SCAPER: variants seen among roughly 807,000 people sequenced by gnomAD.
SCAPER encodes the protein S phase cyclin A-associated protein in the endoplasmic reticulum.
Under a neutral mutation model 182.2 loss-of-function variants are expected in SCAPER, and 98 were observed. That is an observed-to-expected ratio of 0.54 (90% CI 0.46 to 0.64). SCAPER has a LOEUF of 0.64. SCAPER is among the 30% of genes least tolerant of loss of function. The pLI is 0.00. For missense variants in SCAPER, 1,432 were observed against 1,690.0 expected (o/e 0.85, Z 2.68); for synonymous variants, 605 against 564.6 (o/e 1.07, Z -1.01).
intron 22 of SCAPER, among the ~76,000 whole-genome samples, chr15:76,610,014 G>T (rs1439992525): frequency 6.6e-6 from 1 of 152,112 alleles, no homozygotes; most frequent in East Asian, 1.9e-4. Context: ...TTTCCTGAGG[G>T]CAGGGCTTGG....
intron 17 of SCAPER, among the ~76,000 whole-genome samples, chr15:76,724,163 C>CT (rs750401710): frequency 1.4e-5 from 2 of 144,984 alleles, no homozygotes; most frequent in Admixed American, 1.4e-4. Flanking sequence ...AAAGCAAAGA[C>CT]TTATTTCTCC....
chr15:76,854,687 C>T (rs984520209), intron 4 of SCAPER, among the ~76,000 whole-genome samples: 8 of 151,228 alleles, frequency 5.3e-5, no homozygotes, highest in South Asian at 2.1e-4. Context: ...TGGCCGGGCA[C>T]GGTAGCTCAC....
At chr15:76,717,577 ATTG>A (rs2059956546) in intron 17 of SCAPER, among the ~76,000 whole-genome samples, 1 of 152,288 alleles carries the variant, frequency 6.6e-6, no homozygotes, top group South Asian at 2.1e-4. Context: ...TGTGCCAGAA[ATTG>A]TTATCAACTT....
At chr15:76,382,019 T>C (rs12917430) in intron 27 of SCAPER, among the ~76,000 whole-genome samples, 60,852 of 152,052 alleles carry the variant, frequency 0.4, 14,436 homozygotes, top group Middle Eastern at 0.55. Context: ...GCACTCTTCT[T>C]AGGGAAGGCA....
In SCAPER at chr15:76,376,222, G is replaced by A. The variant is rs1285515889; in HGVS notation, c.3795C>T (p.Ser1265=). ...CACAGACGATGACCTCATGAAGGAG[G>A]CTTTCACAGGAGACTTGGCTGCAGT... ...LGHCSQVSCE[S]LLHEVIVCVG... The change falls in exon 29 of 32, where the codon AGC becomes AGT. Residue 1265 remains serine, a synonymous_variant. Coordinates refer to ENST00000563290, the MANE Select transcript of SCAPER (RefSeq NM_020843.4). 1.2e-6 allele frequency: 2 copies of A among 1,613,906 alleles called. No individual in the cohort carries two copies. Among genetic ancestry groups the A allele is most frequent in the East Asian group, 2.2e-5 (1 of 44,900 alleles).
chr15:76,841,076 C>T (rs779976906), intron 5 of SCAPER, among the ~76,000 whole-genome samples: 2 of 152,122 alleles, frequency 1.3e-5, no homozygotes, highest in African/African-American at 4.8e-5. Context: ...ACAGCACCAA[C>T]GGAGAATACA....
At chr15:76,382,929 C>T (rs1163601076) in intron 27 of SCAPER, among the ~76,000 whole-genome samples, 1 of 152,040 alleles carries the variant, frequency 6.6e-6, no homozygotes, top group Non-Finnish European at 1.5e-5. Context: ...CTCAGGAAGG[C>T]AAGTTATAAG....
chr15:76,716,213 A>T (rs927831176), intron 17 of SCAPER, among the ~76,000 whole-genome samples: 2 of 152,130 alleles, frequency 1.3e-5, no homozygotes, highest in African/African-American at 4.8e-5. Flanking sequence ...ACTGATCACA[A>T]CTAAGAAGCT....
intron 4 of SCAPER, among the ~76,000 whole-genome samples, chr15:76,842,184 A>C (rs533764854): frequency 5.9e-5 from 9 of 152,358 alleles, no homozygotes; most frequent in Admixed American, 5.2e-4. Context: ...GGATATGCAT[A>C]GGTTATATGC....
At chr15:76,873,063 A>G (rs1410854578) in intron 2 of SCAPER, among the ~76,000 whole-genome samples, 1 of 150,542 alleles carries the variant, frequency 6.6e-6, no homozygotes, top group Non-Finnish European at 1.5e-5. Flanking sequence ...CAGCCTGGGC[A>G]ATAGAGTAGA....
At chr15:76,724,999 A>G (rs1433662750) in intron 17 of SCAPER, among the ~76,000 whole-genome samples, 1 of 152,050 alleles carries the variant, frequency 6.6e-6, no homozygotes, top group East Asian at 1.9e-4. Context: ...GAAATGCAGA[A>G]ATCACCCATC....
chr15:76,787,933 T>A (rs1344661751), intron 8 of SCAPER, among the ~76,000 whole-genome samples: 1 of 151,940 alleles, frequency 6.6e-6, no homozygotes, highest in Non-Finnish European at 1.5e-5. Context: ...TGGTAGAAAA[T>A]ATCCAACACA....
intron 5 of SCAPER, among the ~76,000 whole-genome samples, chr15:76,836,445 A>G (rs2068958757): frequency 6.6e-6 from 1 of 152,206 alleles, no homozygotes; most frequent in African/African-American, 2.4e-5. Flanking sequence ...CAAAAAGTCA[A>G]CAATAACAAG....
rs114536342 is a variant in SCAPER, at chr15:76,550,121, A to C, written c.2838+24037T>G. ...TAACCCAACAGTAAAAAACAAAACA[A>C]AACAAAACAAAACCCAAATAACCCA... On this transcript the variant is annotated intron_variant, in intron 23 of 31. Coordinates refer to ENST00000563290, the MANE Select transcript of SCAPER (RefSeq NM_020843.4). Among the ~76,000 whole-genome samples the C allele has an allele frequency of 2.3e-3, 344 of 152,312 alleles. 2 individuals carry two copies. The highest frequency in any genetic ancestry group is 7.9e-3 in the African/African-American group (330 of 41,562).
At chr15:76,448,155 TA>T (rs2048129699) in intron 25 of SCAPER, among the ~76,000 whole-genome samples, 1 of 152,090 alleles carries the variant, frequency 6.6e-6, no homozygotes, top group Non-Finnish European at 1.5e-5. Flanking sequence ...ATTCTGAGCA[TA>T]AGGGGTAAGA....
chr15:76,727,212 C>T (rs1378578308), intron 17 of SCAPER, among the ~76,000 whole-genome samples: 1 of 151,990 alleles, frequency 6.6e-6, no homozygotes, highest in South Asian at 2.1e-4. Flanking sequence ...TTTATAGATT[C>T]AATGCAATTC....
At chr15:76,625,743 T>C (rs2052513232) in intron 21 of SCAPER, among the ~76,000 whole-genome samples, 1 of 152,094 alleles carries the variant, frequency 6.6e-6, no homozygotes, top group African/African-American at 2.4e-5. Context: ...TTGCAGGGGC[T>C]TTCCCGTGGC....
intron 17 of SCAPER, among the ~76,000 whole-genome samples, chr15:76,715,613 A>G (rs2059849151): frequency 1.3e-5 from 2 of 151,968 alleles, no homozygotes; most frequent in Admixed American, 1.3e-4. Flanking sequence ...AGCCTGGGCT[A>G]TTATACCAAG....
chr15:76,600,220 T>C (rs1168348572), intron 22 of SCAPER, among the ~76,000 whole-genome samples: 1 of 120,328 alleles, frequency 8.3e-6, no homozygotes, highest in African/African-American at 2.5e-5. Flanking sequence ...TCACACTTTG[T>C]ACCAAACAGA....
Sources: gnomAD v4.1 joint callset for allele counts (sites outside exome capture counted in the v4.1 genomes callset) on GRCh38, gnomAD v4.1.1 for gene constraint, MANE v1.5 for transcripts, NCBI Gene and HGNC (gene_info 2026-07-23, HGNC 2026-07-21) for gene names.